WBP1L: variants seen among roughly 807,000 people sequenced by gnomAD.
WBP1L encodes WW domain binding protein 1 like.
In WBP1L, 17 loss-of-function variants were observed where a neutral mutation model predicts 33.7. That is an observed-to-expected ratio of 0.50 (90% CI 0.34 to 0.76). The LOEUF (loss-of-function observed/expected upper bound fraction) is 0.76. Ranked by LOEUF, WBP1L falls within the 30% of genes least tolerant of loss-of-function variation. The probability of loss-of-function intolerance (pLI) is 0.01; values close to 1 mark genes in which losing one functional copy is unlikely to be tolerated. For missense variants in WBP1L, 389 were observed against 469.4 expected, an observed-to-expected ratio of 0.83 and a Z score of 1.58; for synonymous variants, 173 against 190.8, an observed-to-expected ratio of 0.91 and a Z score of 0.77.
intron 1 of WBP1L, among the ~76,000 whole-genome samples, chr10:102,753,283 C>G (rs921522420): frequency 6.6e-6 from 1 of 152,204 alleles, no homozygotes; most frequent in Non-Finnish European, 1.5e-5. Flanking sequence ...ATACAGTAGA[C>G]AGGCTGAGGT....
chr10:102,759,575 A>C (rs1843013897), intron 1 of WBP1L, among the ~76,000 whole-genome samples: 1 of 152,202 alleles, frequency 6.6e-6, no homozygotes, highest in African/African-American at 2.4e-5. Context: ...TTATTTATTC[A>C]TCAATTGATG....
intron 1 of WBP1L, among the ~76,000 whole-genome samples, chr10:102,763,475 G>T (rs1843069225): frequency 6.6e-6 from 1 of 152,146 alleles, no homozygotes; most frequent in African/African-American, 2.4e-5. Flanking sequence ...GCTGATAGAA[G>T]TAAGGAAGGC....
intron 2 of WBP1L, among the ~76,000 whole-genome samples, chr10:102,800,860 C>T (rs1843646208): frequency 6.6e-6 from 1 of 152,158 alleles, no homozygotes. Context: ...TGATTTCCTT[C>T]CCACCTTCCT....
At chr10:102,805,460 T>C (rs1413286986) in intron 2 of WBP1L, among the ~76,000 whole-genome samples, 1 of 151,584 alleles carries the variant, frequency 6.6e-6, no homozygotes, top group Non-Finnish European at 1.5e-5. Flanking sequence ...TTTTTAGAGA[T>C]GGGATCTCGC....
intron 1 of WBP1L, among the ~76,000 whole-genome samples, chr10:102,778,648 A>G (rs1464622175): frequency 2.0e-5 from 3 of 152,170 alleles, no homozygotes; most frequent in African/African-American, 7.2e-5. Flanking sequence ...TTGCCTGTAC[A>G]ATCTTGGAGT....
rs1843906063 is a variant in WBP1L at position 102,814,784 on chromosome 10, C to T, written c.*1453C>T. On this transcript the variant is annotated 3_prime_UTR_variant, in exon 4 of 4. Coordinates refer to ENST00000448841, the MANE Select transcript of WBP1L (RefSeq NM_001083913.2). ...ACAGCCAAAACAAACATTCCCCACC[C>T]GGCCCTGTGCATATGAAGTCTTTCT... is the stretch of plus-strand genomic sequence containing the variant. 6.6e-6 allele frequency: 1 copy of T among 152,454 alleles called. No individual in the cohort carries two copies. Among genetic ancestry groups the T allele is most frequent in the Non-Finnish European group, 1.5e-5 (1 of 67,992 alleles). 9.4% of individuals were successfully genotyped at this position (152,454 alleles called of 1,614,324 possible).
chr10:102,785,112 A>G (rs945017187), intron 1 of WBP1L, among the ~76,000 whole-genome samples: 2 of 149,020 alleles, frequency 1.3e-5, no homozygotes, highest in Non-Finnish European at 3.0e-5. Flanking sequence ...GACCTCAGGT[A>G]ATCTGCCCAC....
At chr10:102,757,362 G>A (rs7090307) in intron 1 of WBP1L, among the ~76,000 whole-genome samples, 31,589 of 152,164 alleles carry the variant, frequency 0.21, 3,400 homozygotes, top group Middle Eastern at 0.31. Flanking sequence ...GCCCTTGAGT[G>A]AGAAGAGTGA....
At chr10:102,798,222 T>G in intron 2 of WBP1L, 127 bp downstream of exon 2, 2 of 736,810 alleles carry the variant, frequency 2.7e-6, no homozygotes, top group Non-Finnish European at 2.3e-6. Context: ...TGGAATCTGT[T>G]TATGGGTTCC....
chr10:102,786,432 A>G (rs1288095452), intron 1 of WBP1L, among the ~76,000 whole-genome samples: 1 of 152,224 alleles, frequency 6.6e-6, no homozygotes, highest in Non-Finnish European at 1.5e-5. Context: ...ATACATAAAC[A>G]TAACCAGGGG....
chr10:102,764,691 A>C (rs1843086886), intron 1 of WBP1L, among the ~76,000 whole-genome samples: 1 of 152,116 alleles, frequency 6.6e-6, no homozygotes, highest in Admixed American at 6.6e-5. Context: ...AATTGTCCTA[A>C]TGTTTTCTTC....
chr10:102,807,339 T>C (rs1843751354), intron 2 of WBP1L, among the ~76,000 whole-genome samples: 1 of 152,030 alleles, frequency 6.6e-6, no homozygotes. Context: ...AGTTACCCCA[T>C]GGTTAGAGCT....
chr10:102,760,591 G>T (rs1013427679), intron 1 of WBP1L, among the ~76,000 whole-genome samples: 1 of 151,932 alleles, frequency 6.6e-6, no homozygotes, highest in African/African-American at 2.4e-5. Flanking sequence ...GGTCAGGCTA[G>T]TCTCGAACTC....
At chr10:102,752,430 TTGA>T (rs1226304976) in intron 1 of WBP1L, among the ~76,000 whole-genome samples, 1 of 152,236 alleles carries the variant, frequency 6.6e-6, no homozygotes, top group African/African-American at 2.4e-5. Flanking sequence ...TTCAGGTTTG[TTGA>T]TGTATGTGGT....
In WBP1L at chr10:102,757,865, T is replaced by TG. The variant is rs369206115; in HGVS notation, c.90+13723dup. On this transcript the variant is annotated intron_variant, in intron 1 of 3. Coordinates refer to ENST00000448841, the MANE Select transcript of WBP1L (RefSeq NM_001083913.2). Reference sequence around the variant, plus strand: ...GTGCTGGGATTACAGCATGAGCCACTGTACCTGCCCTCCCCCCCCCCCTTT... The same window carrying TG: ...GTGCTGGGATTACAGCATGAGCCACTGGTACCTGCCCTCCCCCCCCCCCTTT... Among the ~76,000 whole-genome samples, 869 of 92,154 alleles carry TG rather than the reference T, an allele frequency of 9.4e-3. 18 individuals carry two copies. The highest frequency in any genetic ancestry group is 0.035 in the African/African-American group (816 of 23,422). 60.5% of individuals were successfully genotyped at this position (92,154 alleles called of 152,430 possible).
Position 102,786,562 on chromosome 10 carries a change from C to T in WBP1L, c.91-11431C>T, listed in dbSNP as rs79426170. On this transcript the variant is annotated intron_variant, in intron 1 of 3. Transcript: ENST00000448841. ...TGGACCACACTTTTGGGAAACACATCCCTATTTTGTTGCATTTGTTGTCTA... is the reference window on the plus strand; with the variant it reads ...TGGACCACACTTTTGGGAAACACATTCCTATTTTGTTGCATTTGTTGTCTA... 8.0e-3 allele frequency among the ~76,000 whole-genome samples: 1,211 copies of T among 152,274 alleles called. 9 individuals are homozygous for T. The highest frequency in any genetic ancestry group is 0.028 in the African/African-American group (1,161 of 41,552).
At position 102,768,044 on chromosome 10, in the gene WBP1L, T is replaced by C. The variant is rs529356499; in HGVS notation, c.90+23901T>C. Among the ~76,000 whole-genome samples, 23 of 152,296 alleles carry C rather than the reference T, an allele frequency of 1.5e-4. 1 individual carries two copies. In the South Asian group the frequency reaches 4.8e-3, roughly 32 times the overall value. On this transcript the variant is annotated intron_variant, in intron 1 of 3. Coordinates refer to ENST00000448841, the MANE Select transcript of WBP1L (RefSeq NM_001083913.2). ...TTATCCACTGAAACCCTACGTATTA[T>C]TTCAGTATCCATCTCTTTGGGGTTT...
chr10:102,788,322 G>C (rs1843448977), intron 1 of WBP1L, among the ~76,000 whole-genome samples: 1 of 151,756 alleles, frequency 6.6e-6, no homozygotes, highest in Non-Finnish European at 1.5e-5. Context: ...GTGTTAGCCA[G>C]GATGGTCTTG....
intron 1 of WBP1L, among the ~76,000 whole-genome samples, chr10:102,780,135 G>A (rs1843317439): frequency 6.6e-6 from 1 of 152,158 alleles, no homozygotes; most frequent in Non-Finnish European, 1.5e-5. Flanking sequence ...TTCAGTGTCT[G>A]TAAAGGGCAG....
Sources: gnomAD v4.1 joint callset for allele counts (sites outside exome capture counted in the v4.1 genomes callset) on GRCh38, gnomAD v4.1.1 for gene constraint, MANE v1.5 for transcripts, NCBI Gene and HGNC (gene_info 2026-07-23, HGNC 2026-07-21) for gene names.